The following WNK2 variants were observed in gnomAD, a reference collection of about 807,000 sequenced individuals.
The protein encoded by WNK2 is WNK lysine deficient protein kinase 2.
A neutral mutation model predicts 192.1 loss-of-function variants in WNK2; 67 were observed. That is an observed-to-expected ratio of 0.35 (90% CI 0.29 to 0.43). The LOEUF (loss-of-function observed/expected upper bound fraction) is 0.43. WNK2 is among the 20% of genes least tolerant of loss of function. The pLI is 1.00. For synonymous variants in WNK2, 1,439 were observed against 1,393.9 expected, an observed-to-expected ratio of 1.03 and a Z score of -0.72; for missense variants, 2,698 against 3,089.7, an observed-to-expected ratio of 0.87 and a Z score of 3.01.
In WNK2 at chr9:93,199,899, C is replaced by CAAAAAAAAAAAAAAAAAAAAA. The variant is rs59582411; in HGVS notation, c.681+14301_681+14302insAAAAAAAAAAAAAAAAAAAAA. Among the ~76,000 whole-genome samples, 128 of 107,644 alleles carry CAAAAAAAAAAAAAAAAAAAAA rather than the reference C, an allele frequency of 1.2e-3. 1 individual carries two copies. The highest frequency in any genetic ancestry group is 3.8e-3 in the African/African-American group (116 of 30,836). The allele number at this position is 107,644 out of a possible 152,430, so 70.6% of individuals were successfully genotyped here. A position where few individuals can be genotyped will look rare whatever the true frequency, so the allele number is the denominator to read the frequency against. The stretch of plus-strand genomic sequence containing the variant: ...GGCGACAGAGCAAGACTCTTTGTCT[C>CAAAAAAAAAAAAAAAAAAAAA]AAAAAAAAAAAAGAAAACACAAAGC... On this transcript the variant is annotated intron_variant, in intron 2 of 29. Coordinates refer to ENST00000427277, the MANE Select transcript of WNK2 (RefSeq NM_006648.4).
intron 29 of WNK2, chr9:93,318,835 G>A: frequency 5.0e-6 from 7 of 1,401,220 alleles, no homozygotes; most frequent in Non-Finnish European, 6.5e-6. Flanking sequence ...TTGGTGGGAG[G>A]GGAAGGCCCC....
intron 2 of WNK2, among the ~76,000 whole-genome samples, chr9:93,195,624 A>C (rs1368534273): frequency 2.2e-5 from 3 of 137,212 alleles, no homozygotes; most frequent in Non-Finnish European, 3.1e-5. Flanking sequence ...GCTTGAACCC[A>C]GGAGGTGGAG....
intron 19 of WNK2, among the ~76,000 whole-genome samples, chr9:93,287,062 T>C (rs1848549846): frequency 6.6e-6 from 1 of 152,212 alleles, no homozygotes; most frequent in South Asian, 2.1e-4. Flanking sequence ...TTATATAAGC[T>C]GAGTAAGCTC....
At chr9:93,202,366 G>GTGTT (rs924365964) in intron 2 of WNK2, among the ~76,000 whole-genome samples, 2 of 149,598 alleles carry the variant, frequency 1.3e-5, no homozygotes, top group African/African-American at 5.0e-5. Flanking sequence ...GTGTGTGTGT[G>GTGTT]TATGTCTCGT....
chr9:93,187,836 G>A (rs962753087), intron 2 of WNK2, among the ~76,000 whole-genome samples: 1 of 152,104 alleles, frequency 6.6e-6, no homozygotes, highest in Admixed American at 6.6e-5. Context: ...GGAAGAGGGT[G>A]GGGTGTAGGG....
At chr9:93,260,206 T>A (rs1844000741) in intron 12 of WNK2, among the ~76,000 whole-genome samples, 1 of 152,156 alleles carries the variant, frequency 6.6e-6, no homozygotes, top group Admixed American at 6.5e-5. Context: ...ACATGATATG[T>A]GCCCTGCTGG....
intron 9 of WNK2, among the ~76,000 whole-genome samples, chr9:93,254,074 G>A (rs1564093802): frequency 6.6e-6 from 1 of 152,090 alleles, no homozygotes; most frequent in African/African-American, 2.4e-5. Flanking sequence ...GCGCCACCAC[G>A]CCCAGCTAAT....
intron 26 of WNK2, among the ~76,000 whole-genome samples, chr9:93,305,046 G>A (rs1302022942): frequency 2.0e-5 from 3 of 152,232 alleles, no homozygotes; most frequent in Non-Finnish European, 4.4e-5. Flanking sequence ...TCTGATCGCA[G>A]GTCCAGGCTC....
chr9:93,201,706 C>T (rs185244812), intron 2 of WNK2, among the ~76,000 whole-genome samples: 2 of 152,228 alleles, frequency 1.3e-5, no homozygotes, highest in East Asian at 1.9e-4. Flanking sequence ...GTGTCTCCCC[C>T]GTGTCCTGAG....
In WNK2 at chr9:93,262,054, G is replaced by A. The variant is rs1230679002; in HGVS notation, c.3307G>A (p.Gly1103Arg). The change falls in exon 13 of 30, where the codon GGG (glycine) becomes AGG (arginine). Residue 1103 changes from glycine to arginine, a missense_variant. This residue lies in a region of WNK2 where 893 missense variants were observed against 909.0 expected (regional missense o/e 0.98). Coordinates refer to ENST00000427277, the MANE Select transcript of WNK2 (RefSeq NM_006648.4). Reference protein sequence around the residue: ...PANPPLPGGPGIASPCPTVQL... With the variant: ...PANPPLPGGPRIASPCPTVQL... ...AAACCCACCGCTGCCTGGCGGGCCCGGGATCGCCAGCCCTTGCCCAACTGT... is the reference window on the plus strand; with the variant it reads ...AAACCCACCGCTGCCTGGCGGGCCCAGGATCGCCAGCCCTTGCCCAACTGT... 2.4e-5 allele frequency: 39 copies of A among 1,609,652 alleles called. No homozygotes were observed. Among genetic ancestry groups the A allele is most frequent in the East Asian group, 4.5e-5 (2 of 44,776 alleles).
In WNK2 at chr9:93,230,012, G is replaced by T. The variant is rs138391633; in HGVS notation, c.854+144G>T. 2.1e-3 allele frequency: 2,126 copies of T among 1,028,848 alleles called. 33 individuals carry two copies. The African/African-American group carries it at 0.03, about 15-fold the overall frequency. 63.7% of individuals were successfully genotyped at this position (1,028,848 alleles called of 1,614,324 possible). A position where few individuals can be genotyped will look rare whatever the true frequency, so the allele number is the denominator to read the frequency against. ...TCCTCTTTCCTCTCCTGCATGGGATGCCAGGAGGTGGTTTACTTCCCAGGG... is the reference window on the plus strand; with the variant it reads ...TCCTCTTTCCTCTCCTGCATGGGATTCCAGGAGGTGGTTTACTTCCCAGGG... On this transcript the variant is annotated intron_variant, in intron 3 of 29. Coordinates refer to ENST00000427277, the MANE Select transcript of WNK2 (RefSeq NM_006648.4).
At chr9:93,286,856 C>T (rs891817651) in intron 19 of WNK2, among the ~76,000 whole-genome samples, 2 of 152,160 alleles carry the variant, frequency 1.3e-5, no homozygotes, top group East Asian at 1.9e-4. Flanking sequence ...CCATTTGCGA[C>T]GACATGGATG....
At chr9:93,311,513 G>A (rs7872608) in intron 28 of WNK2, among the ~76,000 whole-genome samples, 139,244 of 152,310 alleles carry the variant, frequency 0.91, 64,046 homozygotes, top group East Asian at 1. Context: ...ACTATTTTCA[G>A]TAACAGCTAT....
Position 93,261,866 on chromosome 9 carries a change from C to T in WNK2, c.3119C>T (p.Pro1040Leu), listed in dbSNP as rs776176292. 3.7e-6 allele frequency: 6 copies of T among 1,600,478 alleles called. No homozygotes were observed. In the South Asian group the frequency reaches 6.6e-5, roughly 18 times the overall value. ...GCTGTGGACGTCGCCGCTCAGGTCC[C>T]CACCGTGCCTGTGCCACCGGCTGCG... Reference protein sequence around the residue: ...PYAVDVAAQVPTVPVPPAAVL... With the variant: ...PYAVDVAAQVLTVPVPPAAVL... Residue 1040 changes from proline (P) to leucine (L), a missense_variant, in exon 13 of 30, where the codon CCC (proline) becomes CTC (leucine). Pro to Leu is a moderately conservative substitution (Grantham distance 98). Around this residue, in one of 7 missense-constraint regions of WNK2, gnomAD observed 893 missense variants for 909.0 expected, o/e 0.98. Coordinates refer to ENST00000427277, the MANE Select transcript of WNK2 (RefSeq NM_006648.4).
chr9:93,283,969 T>C (rs981777432), intron 19 of WNK2, among the ~76,000 whole-genome samples: 21 of 152,268 alleles, frequency 1.4e-4, no homozygotes, highest in Admixed American at 1.0e-3. Flanking sequence ...ACTCAAATGT[T>C]AGGGAAAGAG....
chr9:93,239,238 C>G lies in WNK2; in HGVS notation c.1323-519C>G, dbSNP rs1248414702. Among the ~76,000 whole-genome samples the G allele has an allele frequency of 6.6e-6, 1 of 152,212 alleles. No individual in the cohort carries two copies. Among genetic ancestry groups the G allele is most frequent in the Admixed American group, 6.5e-5 (1 of 15,288 alleles). On this transcript the variant is annotated intron_variant, in intron 6 of 29. Transcript: ENST00000427277. This position sits in a 1 kb window ranked among gnomAD's most constrained non-coding sequence, Gnocchi z 4.2. ...CAGTTCTGCAGGTCCTCACTCTCCT[C>G]CAGCTCACCCTCTGCTCTGCTCTCT...
At chr9:93,213,093 G>C (rs1393772798) in intron 2 of WNK2, among the ~76,000 whole-genome samples, 1 of 152,172 alleles carries the variant, frequency 6.6e-6, no homozygotes, top group Non-Finnish European at 1.5e-5. Context: ...CCTGAGCTCT[G>C]TGTTGTACTT....
chr9:93,291,405 GC>G, intron 21 of WNK2, among the ~76,000 whole-genome samples: 1 of 152,292 alleles, frequency 6.6e-6, no homozygotes, highest in South Asian at 2.1e-4. Flanking sequence ...TTCTAGTTTG[GC>G]AAAAGTGACC....
rs1838351819 is a variant in WNK2, at chr9:93,229,389, A to G, written c.682-307A>G. Among the ~76,000 whole-genome samples the G allele has an allele frequency of 1.3e-5, 2 of 152,226 alleles. No individual in the cohort carries two copies. The highest frequency in any genetic ancestry group is 4.8e-5 in the African/African-American group (2 of 41,456). ...AAAGTGAGTGATTGTGGAGGAGGCAAAGGCCTCAGAGGTGTATTTTTGGAA... is the reference window on the plus strand; with the variant it reads ...AAAGTGAGTGATTGTGGAGGAGGCAGAGGCCTCAGAGGTGTATTTTTGGAA... On this transcript the variant is annotated intron_variant, in intron 2 of 29. Transcript: ENST00000427277. The surrounding 1 kb of genome is among the most constrained non-coding windows in gnomAD (Gnocchi z 4.9).
Sources: allele counts gnomAD v4.1 joint callset (sites outside exome capture counted in the v4.1 genomes callset), GRCh38; gene constraint gnomAD v4.1.1; regional missense constraint gnomAD v4.1.1; non-coding constraint Gnocchi (gnomAD v3.1); transcripts MANE v1.5; gene names NCBI Gene and HGNC (gene_info 2026-07-23, HGNC 2026-07-21).